Variants in TIAM2 observed in about 807,000 individuals in gnomAD.
TIAM2 encodes the protein rho guanine nucleotide exchange factor TIAM2.
In TIAM2, 80 loss-of-function variants were observed where a neutral mutation model predicts 152.9. That is an observed-to-expected ratio of 0.52 (90% confidence interval 0.44 to 0.63). The LOEUF (loss-of-function observed/expected upper bound fraction) is 0.63, where lower values mean the gene tolerates loss of function less well. Ranked by LOEUF, TIAM2 falls within the 30% of genes least tolerant of loss-of-function variation. The probability of loss-of-function intolerance (pLI) is 0.00; values close to 1 mark genes in which losing one functional copy is unlikely to be tolerated. For synonymous variants in TIAM2, 804 were observed against 838.0 expected, an observed-to-expected ratio of 0.96 and a Z score of 0.70; for missense variants, 1,965 against 2,120.1, an observed-to-expected ratio of 0.93 and a Z score of 1.44.
intron 1 of TIAM2, among the ~76,000 whole-genome samples, chr6:155,042,515 T>C (rs111931519): frequency 0.01 from 1,537 of 152,254 alleles, 13 homozygotes; most frequent in Non-Finnish European, 0.018. Flanking sequence ...ATCAATCACT[T>C]GAACCCCGGA....
chr6:155,008,772 C>T (rs1778439732), intron 1 of TIAM2, among the ~76,000 whole-genome samples: 1 of 152,100 alleles, frequency 6.6e-6, no homozygotes, highest in Admixed American at 6.5e-5. Flanking sequence ...TTATTTGACC[C>T]TTTTGGATGT....
chr6:155,163,017 C>CAAATTA (rs1234392630), intron 7 of TIAM2, among the ~76,000 whole-genome samples: 1 of 152,080 alleles, frequency 6.6e-6, no homozygotes, highest in African/African-American at 2.4e-5. Flanking sequence ...TGGGGAATGC[C>CAAATTA]CAGAATTTGT....
At chr6:155,142,435 C>T (rs1286980593) in intron 5 of TIAM2, among the ~76,000 whole-genome samples, 1 of 152,156 alleles carries the variant, frequency 6.6e-6, no homozygotes, top group Non-Finnish European at 1.5e-5. Flanking sequence ...CTAGATGCCA[C>T]GATTTAAACC....
intron 1 of TIAM2, among the ~76,000 whole-genome samples, chr6:155,029,485 C>CTAATA (rs1562295205): frequency 1.9e-4 from 2 of 10,362 alleles, no homozygotes; most frequent in African/African-American, 5.7e-4. Context: ...AGTATATATA[C>CTAATA]TATAGTATAT....
chr6:155,249,781 C>T (rs1357721532), intron 20 of TIAM2, 70 bp from the exon 21 acceptor site: 4 of 1,317,720 alleles, frequency 3.0e-6, no homozygotes, highest in Non-Finnish European at 4.2e-6. Flanking sequence ...TGACTCCATT[C>T]ATTATTACTG....
In TIAM2 at chr6:155,214,502, C is replaced by G. The variant is rs2115223733; in HGVS notation, c.3168+3195C>G. Among the ~76,000 whole-genome samples, 1 of 152,302 alleles carries G rather than the reference C, an allele frequency of 6.6e-6. No individual in the cohort carries two copies. The highest frequency in any genetic ancestry group is 6.5e-5 in the Admixed American group (1 of 15,304). ...CCCTTTCACTTCCTCACTACCTGCT[C>G]TCTTCTCCCGTTTTCCATGCACCTT... On this transcript the variant is annotated intron_variant, in intron 15 of 26. Coordinates refer to ENST00000682666, the MANE Select transcript of TIAM2 (RefSeq NM_012454.4). The surrounding 1 kb of genome is among the most constrained non-coding windows in gnomAD (Gnocchi z 5.4).
rs1778617598 is a variant in TIAM2, at chr6:155,104,050, C to CCCCACACA, written c.-118+13672_-118+13673insCCACACAC. On this transcript the variant is annotated intron_variant, in intron 2 of 26. Coordinates refer to ENST00000682666, the MANE Select transcript of TIAM2 (RefSeq NM_012454.4). ...ACCTCACACACACACACCCCCCCCCCCACACCCCCACACACCCCCACACAC... is the reference window on the plus strand; with the variant it reads ...ACCTCACACACACACACCCCCCCCCCCCCACACACACACCCCCACACACCCCCACACAC... 1.9e-4 allele frequency among the ~76,000 whole-genome samples: 17 copies of CCCCACACA among 87,594 alleles called. 2 individuals are homozygous for CCCCACACA. Among genetic ancestry groups the CCCCACACA allele is most frequent in the African/African-American group, 9.6e-4 (17 of 17,636 alleles). 57.5% of individuals were successfully genotyped at this position (87,594 alleles called of 152,430 possible). A position where few individuals can be genotyped will look rare whatever the true frequency, so the allele number is the denominator to read the frequency against.
rs745772531 is a variant in TIAM2 at position 155,129,930 on chromosome 6, G to A, written c.707G>A (p.Arg236Gln). Residue 236 changes from arginine (R) to glutamine (Q), a missense_variant, in exon 4 of 27, where the codon CGG (arginine) becomes CAG (glutamine). This residue lies in a region of TIAM2 where 1,025 missense variants were observed against 1,119.4 expected (regional missense o/e 0.92). Transcript: ENST00000682666. The surrounding 1 kb of genome is among the most constrained non-coding windows in gnomAD (Gnocchi z 4.8). The part of the protein sequence containing the change: ...HRPSPTDSRL[R>Q]SSKGSSLSSE... ...CCCTCTCCCACGGACTCTCGCCTGC[G>A]GTCCAGCAAAGGCAGCTCCCTGAGT... is the stretch of plus-strand genomic sequence containing the variant. 9.3e-6 allele frequency: 15 copies of A among 1,613,824 alleles called. No individual in the cohort carries two copies. Among genetic ancestry groups the A allele is most frequent in the Middle Eastern group, 1.6e-4 (1 of 6,084 alleles).
chr6:155,052,742 A>G (rs1168004061), intron 1 of TIAM2, among the ~76,000 whole-genome samples: 1 of 49,196 alleles, frequency 2.0e-5, no homozygotes, highest in East Asian at 2.8e-4. Context: ...AATGCACTCT[A>G]AGCCTGGGGG....
chr6:155,164,136 T>TTTTTTG (rs1213476103), intron 7 of TIAM2, among the ~76,000 whole-genome samples: 1 of 118,688 alleles, frequency 8.4e-6, no homozygotes, highest in Non-Finnish European at 1.8e-5. Context: ...TTTTTGTGTT[T>TTTTTTG]TTTTTTTTTC....
rs375238178 is a variant in TIAM2, at chr6:155,164,133, G to GTTTTTTTTTTTTTTTTTTTTTTTTTT, written c.2029-270_2029-269insTTTTTTTTTTTTTTTTTTTTTTTTTT. Among the ~76,000 whole-genome samples, 10 of 118,042 alleles carry GTTTTTTTTTTTTTTTTTTTTTTTTTT rather than the reference G, an allele frequency of 8.5e-5. 1 individual carries two copies. Among genetic ancestry groups the GTTTTTTTTTTTTTTTTTTTTTTTTTT allele is most frequent in the Middle Eastern group, 5.3e-3 (1 of 188 alleles). 77.4% of individuals were successfully genotyped at this position (118,042 alleles called of 152,430 possible). A position where few individuals can be genotyped will look rare whatever the true frequency, so the allele number is the denominator to read the frequency against. On this transcript the variant is annotated intron_variant, in intron 7 of 26. Transcript: ENST00000682666. ...TGGCACCACACCAGCTAATTTTTGT[G>GTTTTTTTTTTTTTTTTTTTTTTTTTT]TTTTTTTTTTTTCTTTTTTTTAGTA...
At chr6:155,203,302 A>G (rs903641305) in intron 14 of TIAM2, among the ~76,000 whole-genome samples, 1 of 152,222 alleles carries the variant, frequency 6.6e-6, no homozygotes, top group African/African-American at 2.4e-5. Context: ...TTAAAAAACA[A>G]AAGATACATA....
intron 1 of TIAM2, among the ~76,000 whole-genome samples, chr6:155,070,856 TG>T (rs1421501409): frequency 6.6e-6 from 1 of 152,122 alleles, no homozygotes; most frequent in African/African-American, 2.4e-5. Context: ...TGGCTCAGCT[TG>T]GGTTTTGAAT....
intron 9 of TIAM2, chr6:155,168,969 G>C: frequency 7.1e-7 from 1 of 1,410,850 alleles, no homozygotes; most frequent in African/African-American, 1.5e-5. Context: ...TGACACAAAT[G>C]CTAACTTTTT....
In TIAM2 at chr6:155,254,024, A is replaced by C; in HGVS notation, c.4277A>C (p.Glu1426Ala). 6.2e-7 allele frequency: 1 copy of C among 1,614,190 alleles called. No homozygotes were observed. The highest frequency in any genetic ancestry group is 1.3e-5 in the African/African-American group (1 of 75,058). Residue 1426 changes from glutamate to alanine, a missense_variant, in exon 25 of 27, where the codon GAA becomes GCA. Transcript: ENST00000682666. ...WELIHTKSEI[E>A]GRPETIFQLC... ...CTGATCCATACGAAGTCAGAAATAGAAGGACGGCCAGAAACCATCTTTCAG... is the reference window on the plus strand; with the variant it reads ...CTGATCCATACGAAGTCAGAAATAGCAGGACGGCCAGAAACCATCTTTCAG...
intron 14 of TIAM2, among the ~76,000 whole-genome samples, chr6:155,193,743 A>C (rs1033465126): frequency 6.6e-6 from 1 of 152,186 alleles, no homozygotes; most frequent in East Asian, 1.9e-4. Context: ...AAAATTACCA[A>C]TTTTTGCTGC....
chr6:155,240,805 CT>C, intron 16 of TIAM2, 96 bp downstream of exon 16: 1 of 1,303,486 alleles, frequency 7.7e-7, no homozygotes. Flanking sequence ...CCCAGGACAC[CT>C]GCCACTCCCC....
intron 1 of TIAM2, among the ~76,000 whole-genome samples, chr6:155,081,206 A>G (rs564222062): frequency 6.6e-6 from 1 of 152,142 alleles, no homozygotes; most frequent in Non-Finnish European, 1.5e-5. Context: ...ATCTTTCCAG[A>G]TTCTGCTTAA....
Position 155,252,953 on chromosome 6 carries a change from G to C in TIAM2, c.4125G>C (p.Ser1375=), listed in dbSNP as rs545488093. Residue 1375 remains serine, a synonymous_variant, in exon 24 of 27, where the codon TCG becomes TCC. Transcript: ENST00000682666. ...GGTGGGCCTTCATGTTACAGCCCTC[G>C]AATTCCCGGCCTGCACACAACTCTA... is the stretch of plus-strand genomic sequence containing the variant. ...ENCKLKKKLP[S]NSRPAHNSTD... The C allele has an allele frequency of 1.9e-6, 3 of 1,613,848 alleles. No individual in the cohort carries two copies. In the African/African-American group the frequency reaches 4.0e-5, roughly 22 times the overall value.
Sources: gnomAD v4.1 joint callset for allele counts (sites outside exome capture counted in the v4.1 genomes callset) on GRCh38, gnomAD v4.1.1 for gene constraint, gnomAD v4.1.1 regional missense constraint, Gnocchi (gnomAD v3.1) non-coding constraint, MANE v1.5 for transcripts, NCBI Gene and HGNC (gene_info 2026-07-23, HGNC 2026-07-21) for gene names.